SPAG16: variants seen among roughly 807,000 people sequenced by gnomAD.
SPAG16 encodes the protein sperm-associated antigen 16 protein.
SPAG16 carries 86 observed loss-of-function variants against 80.4 expected under a neutral mutation model. The ratio of observed to expected loss-of-function variants is 1.07; its 90% CI spans 0.90 to 1.28. The LOEUF (loss-of-function observed/expected upper bound fraction) is 1.28, where lower values mean the gene tolerates loss of function less well. SPAG16 is among the 50% of genes most tolerant of loss of function. SPAG16 has a pLI of 0.00. For synonymous variants in SPAG16, 294 were observed against 265.9 expected, an observed-to-expected ratio of 1.11 and a Z score of -1.03; for missense variants, 870 against 765.3, an observed-to-expected ratio of 1.14 and a Z score of -1.61.
At position 213,508,497 on chromosome 2, in the gene SPAG16, G is replaced by A. The variant is rs2075067337; in HGVS notation, c.1070+18407G>A. Among the ~76,000 whole-genome samples the A allele has an allele frequency of 3.3e-5, 5 of 152,286 alleles. No homozygotes were observed. The South Asian group carries it at 8.3e-4, about 25-fold the overall frequency. On this transcript the variant is annotated intron_variant, in intron 10 of 15. Coordinates refer to ENST00000331683, the MANE Select transcript of SPAG16 (RefSeq NM_024532.5). ...TGAGGCAGGAGAATGGCGTGAACCCGGGAAGCGGAGCTTGCAGTGAGCCGA... is the reference window on the plus strand; with the variant it reads ...TGAGGCAGGAGAATGGCGTGAACCCAGGAAGCGGAGCTTGCAGTGAGCCGA...
intron 10 of SPAG16, among the ~76,000 whole-genome samples, chr2:213,647,800 C>A (rs532333736): frequency 5.9e-5 from 9 of 152,316 alleles, no homozygotes; most frequent in African/African-American, 2.2e-4. Flanking sequence ...CAGGCACTGT[C>A]TTCTCTGAAG....
chr2:213,488,813 A>G (rs1276604139), intron 9 of SPAG16, among the ~76,000 whole-genome samples: 2 of 148,316 alleles, frequency 1.3e-5, no homozygotes, highest in East Asian at 3.9e-4. Context: ...GGCGGTGCTC[A>G]CGTCTGTAAT....
chr2:213,789,890 G>T (rs141602469), intron 10 of SPAG16, among the ~76,000 whole-genome samples: 1,541 of 151,678 alleles, frequency 0.01, 14 homozygotes, highest in Middle Eastern at 0.02. Context: ...TCCAATTTTC[G>T]GTAACGATAT....
intron 10 of SPAG16, among the ~76,000 whole-genome samples, chr2:213,780,940 CATG>C (rs1229164417): frequency 2.0e-5 from 3 of 152,122 alleles, no homozygotes; most frequent in African/African-American, 7.2e-5. Flanking sequence ...TCATATTCCA[CATG>C]ATACTATTGG....
At chr2:214,077,942 T>A (rs1379035755) in intron 13 of SPAG16, among the ~76,000 whole-genome samples, 1 of 152,198 alleles carries the variant, frequency 6.6e-6, no homozygotes, top group African/African-American at 2.4e-5. Context: ...CCTGCCTCAC[T>A]TCTCTTTCTC....
chr2:213,662,153 G>T (rs1241468747), intron 10 of SPAG16, among the ~76,000 whole-genome samples: 2 of 151,860 alleles, frequency 1.3e-5, no homozygotes, highest in African/African-American at 4.8e-5. Flanking sequence ...TAGTTGTGGG[G>T]AAAGGTGAGG....
At chr2:213,317,853 T>C in intron 5 of SPAG16, 2 of 426,374 alleles carry the variant, frequency 4.7e-6, no homozygotes, top group Non-Finnish European at 6.3e-6. Context: ...TTGGGGGCTA[T>C]TGATAATGGG....
At chr2:213,505,827 A>G (rs373224734) in intron 10 of SPAG16, among the ~76,000 whole-genome samples, 4 of 152,258 alleles carry the variant, frequency 2.6e-5, no homozygotes, top group South Asian at 2.1e-4. Flanking sequence ...TATAAAGACT[A>G]TTCTGAAACT....
chr2:213,462,178 C>A (rs1434267497), intron 9 of SPAG16, among the ~76,000 whole-genome samples: 1 of 151,980 alleles, frequency 6.6e-6, no homozygotes, highest in Non-Finnish European at 1.5e-5. Flanking sequence ...TGTCAAAGAC[C>A]ACTTCTACAG....
intron 14 of SPAG16, among the ~76,000 whole-genome samples, chr2:214,131,105 A>C (rs1320570295): frequency 6.6e-6 from 1 of 152,150 alleles, no homozygotes; most frequent in African/African-American, 2.4e-5. Flanking sequence ...GATTCAAACA[A>C]GTAAAGATCT....
At chr2:213,736,653 T>C (rs2067295232) in intron 10 of SPAG16, among the ~76,000 whole-genome samples, 2 of 152,074 alleles carry the variant, frequency 1.3e-5, no homozygotes, top group Non-Finnish European at 2.9e-5. Flanking sequence ...GAAATAAATT[T>C]CTCCAAGCAT....
rs530245713 is a variant in SPAG16, at chr2:213,739,716, C to T, written c.1071-122769C>T. Among the ~76,000 whole-genome samples the T allele has an allele frequency of 3.3e-5, 5 of 152,336 alleles. No homozygotes were observed. In the South Asian group the frequency reaches 1.0e-3, roughly 32 times the overall value. On this transcript the variant is annotated intron_variant, in intron 10 of 15. Coordinates refer to ENST00000331683, the MANE Select transcript of SPAG16 (RefSeq NM_024532.5). ...TCCCAGGTTCAAGTGATTCTCCTGC[C>T]TCAGCCTCCTGAGTAGCTGGGACCA...
chr2:213,857,032 C>T (rs1387595168), intron 10 of SPAG16, among the ~76,000 whole-genome samples: 1 of 152,122 alleles, frequency 6.6e-6, no homozygotes, highest in African/African-American at 2.4e-5. Context: ...GAATTAGAGA[C>T]CAGCCTGGCC....
At chr2:213,697,982 C>T (rs182918409) in intron 10 of SPAG16, among the ~76,000 whole-genome samples, 11 of 152,100 alleles carry the variant, frequency 7.2e-5, no homozygotes, top group Non-Finnish European at 1.6e-4. Context: ...TGCCAACTCT[C>T]GTCAACTTCT....
At chr2:214,396,970 T>C (rs1701426473) in intron 15 of SPAG16, among the ~76,000 whole-genome samples, 1 of 151,852 alleles carries the variant, frequency 6.6e-6, no homozygotes, top group Admixed American at 6.6e-5. Context: ...ATAAAAACTA[T>C]ACTGTATGTT....
intron 10 of SPAG16, among the ~76,000 whole-genome samples, chr2:213,821,115 C>G (rs2072907655): frequency 6.6e-6 from 1 of 151,872 alleles, no homozygotes. Flanking sequence ...GAATTCTTGT[C>G]TTTTATAGGT....
chr2:214,315,854 T>C (rs1204751117), intron 15 of SPAG16, among the ~76,000 whole-genome samples: 1 of 152,180 alleles, frequency 6.6e-6, no homozygotes, highest in African/African-American at 2.4e-5. Flanking sequence ...TTTACCAAAT[T>C]ATGCGTAAGT....
At chr2:213,901,234 C>A (rs1414442531) in intron 11 of SPAG16, among the ~76,000 whole-genome samples, 1 of 152,116 alleles carries the variant, frequency 6.6e-6, no homozygotes, top group Non-Finnish European at 1.5e-5. Flanking sequence ...AGGAGGGCTT[C>A]AGTTTGGGCC....
chr2:213,487,139 C>T (rs2125715135), intron 9 of SPAG16, among the ~76,000 whole-genome samples: 1 of 152,122 alleles, frequency 6.6e-6, no homozygotes, highest in Middle Eastern at 3.4e-3. Flanking sequence ...TTTTATTTCA[C>T]ATAGAAAGCT....
Sources: gnomAD v4.1 joint callset for allele counts (sites outside exome capture counted in the v4.1 genomes callset) on GRCh38, gnomAD v4.1.1 for gene constraint, MANE v1.5 for transcripts, NCBI Gene and HGNC (gene_info 2026-07-23, HGNC 2026-07-21) for gene names.